Variants in AACS observed in about 807,000 individuals in gnomAD.
AACS encodes acetoacetate-CoA ligase.
AACS carries 69 observed loss-of-function variants against 83.1 expected under a neutral mutation model. The observed-to-expected ratio is 0.83, with a 90% CI of 0.68 to 1.01. AACS has a LOEUF of 1.01. AACS is among the 50% of genes least tolerant of loss of function. The pLI is 0.00. For missense variants in AACS, 866 were observed against 882.2 expected, an observed-to-expected ratio of 0.98 and a Z score of 0.23; for synonymous variants, 333 against 343.4, an observed-to-expected ratio of 0.97 and a Z score of 0.33.
chr12:125,073,494 C>T (rs1238420548), intron 1 of AACS, among the ~76,000 whole-genome samples: 4 of 152,208 alleles, frequency 2.6e-5, no homozygotes, highest in African/African-American at 9.6e-5. Context: ...TTTAAATCCT[C>T]ACAACAGCCC....
intron 5 of AACS, among the ~76,000 whole-genome samples, chr12:125,100,516 T>C (rs1431736808): frequency 6.6e-6 from 1 of 152,284 alleles, no homozygotes; most frequent in African/African-American, 2.4e-5. Flanking sequence ...GCCTGGCACC[T>C]AGCACATGGA....
At chr12:125,096,011 C>CTGGA (rs1416492184) in intron 5 of AACS, among the ~76,000 whole-genome samples, 1 of 152,236 alleles carries the variant, frequency 6.6e-6, no homozygotes, top group African/African-American at 2.4e-5. Flanking sequence ...GTCTCCCAAG[C>CTGGA]TGGAGTGCAG....
chr12:125,076,435 T>C, intron 2 of AACS, 56 bp from the exon 3 acceptor site: 1 of 1,581,536 alleles, frequency 6.3e-7, no homozygotes, highest in East Asian at 2.3e-5. Context: ...CATGTTTTGC[T>C]GATCTGTAGC....
At chr12:125,108,531 T>C (rs1273739542) in intron 8 of AACS, among the ~76,000 whole-genome samples, 1 of 152,218 alleles carries the variant, frequency 6.6e-6, no homozygotes, top group Non-Finnish European at 1.5e-5. Context: ...GGTACACAGT[T>C]CAGCCCATGA....
chr12:125,128,354 T>A, intron 13 of AACS, 80 bp downstream of exon 13: 1 of 1,272,808 alleles, frequency 7.9e-7, no homozygotes, highest in Non-Finnish European at 1.1e-6. Context: ...GTAACTTTGC[T>A]TGGACATAGT....
chr12:125,097,946 C>G lies in AACS; in HGVS notation c.571-4733C>G, dbSNP rs1389023040. ...GTTCCTCTGTGACCCCGGCTAGGCA[C>G]TGCCATCTCTCACGCGTGCCGTCGT... On this transcript the variant is annotated intron_variant, in intron 5 of 17. Coordinates refer to ENST00000316519, the MANE Select transcript of AACS (RefSeq NM_023928.5). The surrounding 1 kb of genome is among the most constrained non-coding windows in gnomAD (Gnocchi z 4.3). Among the ~76,000 whole-genome samples the G allele has an allele frequency of 6.6e-6, 1 of 152,268 alleles. No homozygotes were observed. The highest frequency in any genetic ancestry group is 2.1e-4 in the South Asian group (1 of 4,836).
At chr12:125,078,023 T>C in intron 3 of AACS, 1 of 405,410 alleles carries the variant, frequency 2.5e-6, no homozygotes, top group Admixed American at 2.9e-5. Flanking sequence ...GTTGGCAATT[T>C]TTATTAGAAG....
intron 16 of AACS, chr12:125,135,680 G>C (rs1009862522): frequency 5.3e-5 from 8 of 152,250 alleles, no homozygotes; most frequent in African/African-American, 1.7e-4. Context: ...GAGAAATCCC[G>C]ATGTCTGATT....
chr12:125,087,349 T>G (rs910834852), intron 4 of AACS, among the ~76,000 whole-genome samples: 1 of 152,212 alleles, frequency 6.6e-6, no homozygotes, highest in Non-Finnish European at 1.5e-5. Flanking sequence ...ACTGCTTAGG[T>G]ATTTTTCTTA....
In AACS at chr12:125,129,434, G is replaced by C. The variant is rs1213174233; in HGVS notation, c.1523G>C (p.Arg508Thr). 1.2e-6 allele frequency: 2 copies of C among 1,613,856 alleles called. No individual in the cohort carries two copies. The highest frequency in any genetic ancestry group is 1.7e-6 in the Non-Finnish European group (2 of 1,179,966). ...AACGATGAGAACGGCAACAAGTACA[G>C]GAAGGCGTATTTCTCCAAATTCCCA... ...FWNDENGNKY[R>T]KAYFSKFPGI... Residue 508 changes from arginine (R) to threonine (T), a missense_variant, in exon 14 of 18, where the codon AGG (arginine) becomes ACG (threonine). By Grantham distance (71) the Arg-to-Thr change is moderately conservative (BLOSUM62 -1). Transcript: ENST00000316519. This position sits in a 1 kb window ranked among gnomAD's most constrained non-coding sequence, Gnocchi z 4.3.
chr12:125,141,947 G>A (rs1957502653), intron 17 of AACS, 145 bp from the exon 18 acceptor site: 2 of 966,788 alleles, frequency 2.1e-6, no homozygotes, highest in Non-Finnish European at 3.1e-6. Flanking sequence ...AGACCTGGTG[G>A]GAAGAGGGGC....
chr12:125,124,941 C>A lies in AACS; in HGVS notation c.1226C>A (p.Ser409Tyr), dbSNP rs774365753. The change falls in exon 12 of 18, where the codon TCC becomes TAC. Residue 409 changes from serine to tyrosine, a missense_variant. Transcript: ENST00000316519. ...CTCCAGATGCTCCACACGATCCTGT[C>A]CACTGGCTCCCCACTGAAAGCCCAG... ...HSLQMLHTIL[S>Y]TGSPLKAQSY... is the part of the protein sequence containing the mutation. 3.0e-5 allele frequency: 48 copies of A among 1,614,106 alleles called. No homozygotes were observed. The highest frequency in any genetic ancestry group is 3.9e-5 in the Non-Finnish European group (46 of 1,180,056).
rs903327259 is a variant in AACS at position 125,094,474 on chromosome 12, A to G, written c.570+2951A>G. Among the ~76,000 whole-genome samples, 1 of 152,164 alleles carries G rather than the reference A, an allele frequency of 6.6e-6. No individual in the cohort carries two copies. Among genetic ancestry groups the G allele is most frequent in the African/African-American group, 2.4e-5 (1 of 41,432 alleles). On this transcript the variant is annotated intron_variant, in intron 5 of 17. Transcript: ENST00000316519. This position sits in a 1 kb window ranked among gnomAD's most constrained non-coding sequence, Gnocchi z 4.1. ...GACTCGTGGGTTCACACGCCTGTCC[A>G]CTGAGAGCTCCTCGGCTGGCTGTGC...
At chr12:125,133,972 G>A (rs1347515574) in intron 14 of AACS, 31 bp from the exon 15 acceptor site, 1 of 1,612,946 alleles carries the variant, frequency 6.2e-7, no homozygotes, top group Admixed American at 1.7e-5. Flanking sequence ...CTTCTCCTCG[G>A]GATGACCGGG....
chr12:125,136,708 T>A lies in AACS; in HGVS notation c.1725T>A (p.Tyr575Ter), dbSNP rs1179790999. 5 of 1,613,952 alleles carry A rather than the reference T, an allele frequency of 3.1e-6. No individual in the cohort carries two copies. Among genetic ancestry groups the A allele is most frequent in the African/African-American group, 1.3e-5 (1 of 74,902 alleles). The change falls in exon 17 of 18, where the codon TAT becomes TAA. Residue 575 changes from tyrosine (Y) to a stop codon, truncating the protein, a stop_gained. Transcript: ENST00000316519. LOFTEE classifies it high-confidence loss of function. ...EVEDSLCVPQ[Y>*]NKYREERVIL... is the part of the protein sequence containing the mutation. ...AGGACAGCCTGTGTGTCCCCCAGTA[T>A]AACAAGTACAGGGAGGAGAGGGTGA...
intron 14 of AACS, 75 bp from the exon 15 acceptor site, chr12:125,133,928 A>G: frequency 1.3e-6 from 2 of 1,486,548 alleles, no homozygotes; most frequent in South Asian, 2.3e-5. Flanking sequence ...GCGGACCTAC[A>G]CCCAGCGTCT....
chr12:125,130,783 G>T lies in AACS; in HGVS notation c.1549+1323G>T, dbSNP rs191341021. 2.6e-5 allele frequency among the ~76,000 whole-genome samples: 4 copies of T among 152,286 alleles called. No homozygotes were observed. In the East Asian group the frequency reaches 7.7e-4, roughly 29 times the overall value. Reference sequence around the variant, plus strand: ...TGTTTTTGTAGTCCTCTTACCTTTAGGGTAAGATTTTGCTTCTCTTTGAAT... The same window carrying T: ...TGTTTTTGTAGTCCTCTTACCTTTATGGTAAGATTTTGCTTCTCTTTGAAT... On this transcript the variant is annotated intron_variant, in intron 14 of 17. Coordinates refer to ENST00000316519, the MANE Select transcript of AACS (RefSeq NM_023928.5). This position sits in a 1 kb window ranked among gnomAD's most constrained non-coding sequence, Gnocchi z 4.9.
chr12:125,068,398 G>A (rs887549071), intron 1 of AACS, among the ~76,000 whole-genome samples: 4 of 152,148 alleles, frequency 2.6e-5, no homozygotes, highest in Non-Finnish European at 5.9e-5. Flanking sequence ...GGTGGAGGTC[G>A]CAGTGAGCCG....
chr12:125,121,018 T>A (rs79107749), intron 10 of AACS: 4,682 of 152,422 alleles, frequency 0.031, 121 homozygotes, highest in Admixed American at 0.049. Context: ...CACGCGTACA[T>A]GTGCAAGTGT....
Sources: allele counts gnomAD v4.1 joint callset (sites outside exome capture counted in the v4.1 genomes callset), GRCh38; gene constraint gnomAD v4.1.1; non-coding constraint Gnocchi (gnomAD v3.1); transcripts MANE v1.5; gene names NCBI Gene and HGNC (gene_info 2026-07-23, HGNC 2026-07-21).